Variants in COL25A1 observed in about 807,000 individuals in gnomAD.
COL25A1 encodes collagen alpha-1(XXV) chain.
In COL25A1, 103 loss-of-function variants were observed where a neutral mutation model predicts 128.4. That is an observed-to-expected ratio of 0.80 (90% CI 0.68 to 0.94). The LOEUF is 0.94. COL25A1 is among the 40% of genes least tolerant of loss of function. The pLI, the probability that COL25A1 is intolerant of heterozygous loss-of-function variation, is 0.00. For missense variants in COL25A1, 745 were observed against 840.0 expected (o/e 0.89, Z 1.40); for synonymous variants, 279 against 277.2 (o/e 1.01, Z -0.06).
chr4:109,113,425 G>T (rs1414535535), intron 3 of COL25A1, among the ~76,000 whole-genome samples: 2 of 36,146 alleles, frequency 5.5e-5, no homozygotes, highest in African/African-American at 1.1e-4. Context: ...TATGGATTTT[G>T]TGTGTGTGTG....
chr4:109,083,300 A>C (rs1383080485), intron 3 of COL25A1, among the ~76,000 whole-genome samples: 1 of 152,088 alleles, frequency 6.6e-6, no homozygotes, highest in Non-Finnish European at 1.5e-5. Flanking sequence ...AAAGGCTAAA[A>C]AAGGAAAGCC....
chr4:108,867,427 T>A (rs1479579608), intron 20 of COL25A1, among the ~76,000 whole-genome samples: 6 of 152,362 alleles, frequency 3.9e-5, no homozygotes, highest in Admixed American at 3.9e-4. Context: ...CAGAAAGACA[T>A]TTCTTGTGTG....
At chr4:109,029,144 C>A (rs918693865) in intron 5 of COL25A1, among the ~76,000 whole-genome samples, 1 of 151,990 alleles carries the variant, frequency 6.6e-6, no homozygotes, top group African/African-American at 2.4e-5. Flanking sequence ...ATTTTGAGGA[C>A]AAAAGATATT....
chr4:109,189,146 A>T (rs932460647), intron 3 of COL25A1, among the ~76,000 whole-genome samples: 3 of 152,186 alleles, frequency 2.0e-5, no homozygotes, highest in African/African-American at 7.2e-5. Context: ...ATTTTAAATC[A>T]TACTGGGTAC....
chr4:109,129,723 C>T (rs1038780299), intron 3 of COL25A1, among the ~76,000 whole-genome samples: 21 of 152,114 alleles, frequency 1.4e-4, no homozygotes, highest in African/African-American at 5.1e-4. Context: ...TTTCTGGCAA[C>T]CAATGTGGCA....
intron 3 of COL25A1, among the ~76,000 whole-genome samples, chr4:109,256,313 G>A (rs1781084275): frequency 6.6e-6 from 1 of 152,050 alleles, no homozygotes; most frequent in Non-Finnish European, 1.5e-5. Flanking sequence ...CACCTTGGGT[G>A]AACACGTACA....
intron 3 of COL25A1, among the ~76,000 whole-genome samples, chr4:109,266,691 A>G (rs1172001608): frequency 1.3e-5 from 2 of 152,182 alleles, no homozygotes; most frequent in Non-Finnish European, 2.9e-5. Flanking sequence ...AAGAGAAGAT[A>G]AAGATTACTC....
At chr4:109,083,457 T>TAA (rs1764047521) in intron 3 of COL25A1, among the ~76,000 whole-genome samples, 5 of 119,358 alleles carry the variant, frequency 4.2e-5, no homozygotes, top group African/African-American at 9.5e-5. Context: ...AATTTTTTTT[T>TAA]TTTTTTTTTT....
At chr4:109,019,761 C>G (rs1757559245) in intron 5 of COL25A1, among the ~76,000 whole-genome samples, 1 of 151,966 alleles carries the variant, frequency 6.6e-6, no homozygotes, top group Non-Finnish European at 1.5e-5. Flanking sequence ...CAGAGCCAAA[C>G]CATATAATGC....
At chr4:108,897,577 A>C (rs1311273468) in intron 15 of COL25A1, among the ~76,000 whole-genome samples, 1 of 152,180 alleles carries the variant, frequency 6.6e-6, no homozygotes, top group Non-Finnish European at 1.5e-5. Flanking sequence ...AGAAAGGATA[A>C]TTTACACAGT....
chr4:109,156,058 A>G (rs1054675101), intron 3 of COL25A1, among the ~76,000 whole-genome samples: 10 of 152,180 alleles, frequency 6.6e-5, no homozygotes, highest in Non-Finnish European at 1.5e-4. Context: ...GGCAGAACTG[A>G]GCTGATGCTG....
At chr4:109,146,116 A>T (rs1018134596) in intron 3 of COL25A1, among the ~76,000 whole-genome samples, 1 of 152,212 alleles carries the variant, frequency 6.6e-6, no homozygotes, top group Non-Finnish European at 1.5e-5. Flanking sequence ...AGAAATATTC[A>T]TCTTGCTGTA....
intron 3 of COL25A1, among the ~76,000 whole-genome samples, chr4:109,072,494 T>G (rs948912396): frequency 1.3e-5 from 2 of 152,192 alleles, no homozygotes; most frequent in African/African-American, 4.8e-5. Context: ...TTCTTTCTCA[T>G]GTAAAATGTA....
chr4:109,059,209 C>T (rs777896656), intron 3 of COL25A1, among the ~76,000 whole-genome samples: 1 of 152,168 alleles, frequency 6.6e-6, no homozygotes, highest in African/African-American at 2.4e-5. Context: ...CTTGGTCTCA[C>T]TTATTTTTCC....
intron 3 of COL25A1, among the ~76,000 whole-genome samples, chr4:109,161,173 T>C (rs546332000): frequency 2.8e-4 from 42 of 152,224 alleles, no homozygotes; most frequent in Non-Finnish European, 4.7e-4. Context: ...GTTGGGGAAC[T>C]AGAACCAGGG....
At chr4:109,060,386 C>T (rs769034771) in intron 3 of COL25A1, among the ~76,000 whole-genome samples, 1 of 152,154 alleles carries the variant, frequency 6.6e-6, no homozygotes, top group Non-Finnish European at 1.5e-5. Flanking sequence ...CTTCCATGGC[C>T]CCCTTGACCC....
At chr4:108,837,956 G>A (rs28616003) in intron 31 of COL25A1, 456,912 of 667,308 alleles carry the variant, frequency 0.68, 159,690 homozygotes, top group East Asian at 0.99. Context: ...AACAAAACTG[G>A]GCTGAGCTCT....
At chr4:109,058,318 A>G (rs1761634243) in intron 3 of COL25A1, among the ~76,000 whole-genome samples, 1 of 152,178 alleles carries the variant, frequency 6.6e-6, no homozygotes, top group African/African-American at 2.4e-5. Context: ...GCAAGATGTC[A>G]GAGAGTAGGG....
intron 13 of COL25A1, among the ~76,000 whole-genome samples, chr4:108,917,759 C>A (rs1035317228): frequency 1.1e-4 from 17 of 152,170 alleles, no homozygotes; most frequent in African/African-American, 3.9e-4. Flanking sequence ...GAAAGTTTGA[C>A]TAGTTCCTTC....
Sources: gnomAD v4.1 joint callset for allele counts (sites outside exome capture counted in the v4.1 genomes callset) on GRCh38, gnomAD v4.1.1 for gene constraint, MANE v1.5 for transcripts, NCBI Gene and HGNC (gene_info 2026-07-23, HGNC 2026-07-21) for gene names.